ARHGEF18: variants seen among roughly 807,000 people sequenced by gnomAD.
The protein encoded by ARHGEF18 is Rho/Rac guanine nucleotide exchange factor 18.
In ARHGEF18, 93 loss-of-function variants were observed where a neutral mutation model predicts 155.7. The observed-to-expected ratio is 0.60, with a 90% CI of 0.50 to 0.71. The LOEUF is 0.71. Among genes scored for constraint, ARHGEF18 ranks in the 30% least tolerant of loss-of-function variants. The pLI is 0.00. For synonymous variants in ARHGEF18, 742 were observed against 753.1 expected (o/e 0.99, Z 0.24); for missense variants, 1,593 against 1,816.1 (o/e 0.88, Z 2.23).
chr19:7,349,743 A>G (rs578118362), intron 1 of ARHGEF18, among the ~76,000 whole-genome samples: 294 of 152,214 alleles, frequency 1.9e-3, no homozygotes, highest in Admixed American at 5.1e-3. Context: ...TCTCAAAACA[A>G]AGAAAAGAAA....
chr19:7,383,172 C>T lies in ARHGEF18; in HGVS notation c.936C>T (p.Cys312=), dbSNP rs72992636. 5.2e-3 allele frequency: 6,414 copies of T among 1,232,270 alleles called. 28 individuals are homozygous for T. Among genetic ancestry groups the T allele is most frequent in the Non-Finnish European group, 6.0e-3 (5,957 of 988,068 alleles). The allele number at this position is 1,232,270 out of a possible 1,614,324, so 76.3% of individuals were successfully genotyped here. The change falls in exon 10 of 29, where the codon TGC becomes TGT. Residue 312 remains cysteine (C), a synonymous_variant. Coordinates refer to ENST00000668164, the MANE Select transcript of ARHGEF18 (RefSeq NM_001367823.1). The stretch of plus-strand genomic sequence containing the variant: ...GGACCTTCTCCGGCCCCTCCAGCTG[C>T]CCCCTGTGTGGCAAACCTTTCTTGA... ...LQGTFSGPSS[C]PLCGKPFLSS... is the part of the protein sequence containing the mutation.
chr19:7,373,483 G>GTTT (rs372663795), intron 3 of ARHGEF18, among the ~76,000 whole-genome samples: 9,156 of 140,406 alleles, frequency 0.065, 433 homozygotes, highest in African/African-American at 0.13. Context: ...TTTTGTTTTT[G>GTTT]TTTTTTTTTT....
At chr19:7,360,735 C>A (rs1969512500) in intron 1 of ARHGEF18, among the ~76,000 whole-genome samples, 1 of 152,216 alleles carries the variant, frequency 6.6e-6, no homozygotes, top group African/African-American at 2.4e-5. Flanking sequence ...CTCCCAAGCT[C>A]CCACCAACCT....
At chr19:7,403,662 T>C (rs1972141493) in intron 10 of ARHGEF18, among the ~76,000 whole-genome samples, 1 of 151,676 alleles carries the variant, frequency 6.6e-6, no homozygotes. Context: ...TTTGTCCTCC[T>C]AAGTAGCTGG....
intron 10 of ARHGEF18, among the ~76,000 whole-genome samples, chr19:7,389,693 C>G (rs1173663349): frequency 6.6e-6 from 1 of 151,890 alleles, no homozygotes; most frequent in African/African-American, 2.4e-5. Flanking sequence ...GCCACCATGC[C>G]TGGCTAATTT....
At chr19:7,451,287 C>A (rs768770134) in intron 16 of ARHGEF18, 21 bp downstream of exon 16, 2 of 1,605,626 alleles carry the variant, frequency 1.2e-6, no homozygotes, top group Non-Finnish European at 1.7e-6. Context: ...TCCCCACTGC[C>A]CCGCCCGCCC....
rs1600535961 is a variant in ARHGEF18 at position 7,463,709 on chromosome 19, A to T, written c.2636-109A>T. The T allele has an allele frequency of 3.7e-6, 5 of 1,335,598 alleles. No homozygotes were observed. Among genetic ancestry groups the T allele is most frequent in the African/African-American group, 1.5e-5 (1 of 67,458 alleles). The allele number at this position is 1,335,598 out of a possible 1,614,324, so 82.7% of individuals were successfully genotyped here. The stretch of plus-strand genomic sequence containing the variant: ...ACACAGAAGGGGGCAGGCGATCACC[A>T]CCCCAGTGAGTCCCTCCGTCCACCC... On this transcript the variant is annotated intron_variant, in intron 21 of 28. Transcript: ENST00000668164. The surrounding 1 kb of genome is among the most constrained non-coding windows in gnomAD (Gnocchi z 5.2).
chr19:7,417,590 G>A (rs1054297365), intron 10 of ARHGEF18, among the ~76,000 whole-genome samples: 8 of 152,118 alleles, frequency 5.3e-5, no homozygotes, highest in African/African-American at 1.4e-4. Context: ...CCAGCTACTC[G>A]GGAGACTGAG....
At position 7,462,084 on chromosome 19, in the gene ARHGEF18, C is replaced by A; in HGVS notation, c.2453-68C>A. On this transcript the variant is annotated intron_variant, in intron 20 of 28. Coordinates refer to ENST00000668164, the MANE Select transcript of ARHGEF18 (RefSeq NM_001367823.1). The surrounding 1 kb of genome is among the most constrained non-coding windows in gnomAD (Gnocchi z 4.4). ...CGGGGTTCCTCATCCTTAGGCCAGT[C>A]CCCGGGGCTCAGATGATTCCAGGGA... 1.3e-6 allele frequency: 2 copies of A among 1,599,988 alleles called. No homozygotes were observed. Among genetic ancestry groups the A allele is most frequent in the South Asian group, 2.2e-5 (2 of 90,150 alleles).
chr19:7,433,423 A>G (rs966840294), intron 10 of ARHGEF18, among the ~76,000 whole-genome samples: 7 of 144,594 alleles, frequency 4.8e-5, no homozygotes, highest in African/African-American at 1.8e-4. Context: ...CCAAGATTGC[A>G]CCACTGCAGG....
At chr19:7,423,918 C>A (rs1307883938) in intron 10 of ARHGEF18, among the ~76,000 whole-genome samples, 1 of 151,908 alleles carries the variant, frequency 6.6e-6, no homozygotes, top group Non-Finnish European at 1.5e-5. Flanking sequence ...AGAAGTGAAC[C>A]CAGAAGTGGA....
At position 7,456,316 on chromosome 19, in the gene ARHGEF18, T is replaced by C; in HGVS notation, c.2105-11T>C. ...ACTTTTAAGATGCATCCTTCCATGC[T>C]GTTTTCCCAGATATCCTGGCTATCC... On this transcript the variant is annotated splice_polypyrimidine_tract_variant and intron_variant, in intron 17 of 28. Coordinates refer to ENST00000668164, the MANE Select transcript of ARHGEF18 (RefSeq NM_001367823.1). The C allele has an allele frequency of 6.2e-7, 1 of 1,614,012 alleles. No individual in the cohort carries two copies. Among genetic ancestry groups the C allele is most frequent in the Non-Finnish European group, 8.5e-7 (1 of 1,179,850 alleles).
intron 13 of ARHGEF18, among the ~76,000 whole-genome samples, chr19:7,442,936 G>C (rs1974758309): frequency 6.6e-6 from 1 of 152,014 alleles, no homozygotes; most frequent in African/African-American, 2.4e-5. Flanking sequence ...TGTCACCCAG[G>C]CTGGATGCAG....
intron 10 of ARHGEF18, among the ~76,000 whole-genome samples, chr19:7,423,653 C>T (rs1008082552): frequency 1.3e-5 from 2 of 150,194 alleles, no homozygotes; most frequent in South Asian, 2.1e-4. Context: ...TGCAATGAGC[C>T]GAGATCGCGC....
the ARHGEF18 span, among the ~76,000 whole-genome samples, chr19:7,478,744 G>A: frequency 2.0e-5 from 3 of 152,246 alleles, no homozygotes; most frequent in African/African-American, 7.2e-5. Flanking sequence ...TTGGACAGGC[G>A]TGGGGACGCC....
chr19:7,466,490 G>A (rs1976615997), intron 23 of ARHGEF18, among the ~76,000 whole-genome samples: 1 of 143,968 alleles, frequency 6.9e-6, no homozygotes, highest in Non-Finnish European at 1.5e-5. Flanking sequence ...ACACTCTAGA[G>A]CAAGGCCCTG....
At chr19:7,450,065 G>C (rs926581692) in intron 15 of ARHGEF18, among the ~76,000 whole-genome samples, 12 of 151,904 alleles carry the variant, frequency 7.9e-5, no homozygotes, top group Non-Finnish European at 1.2e-4. Flanking sequence ...GAAAGGTCCT[G>C]GTGAGCTGAG....
chr19:7,361,644 T>C (rs1969553917), intron 1 of ARHGEF18, among the ~76,000 whole-genome samples: 1 of 152,132 alleles, frequency 6.6e-6, no homozygotes. Context: ...AACAGATCAA[T>C]GGATACACGA....
chr19:7,399,265 G>A (rs1049256111), intron 10 of ARHGEF18, among the ~76,000 whole-genome samples: 2 of 152,124 alleles, frequency 1.3e-5, no homozygotes, highest in African/African-American at 4.8e-5. Flanking sequence ...GACTGGGTGA[G>A]GGAGGGAAAC....
Sources: allele counts gnomAD v4.1 joint callset (sites outside exome capture counted in the v4.1 genomes callset), GRCh38; gene constraint gnomAD v4.1.1; non-coding constraint Gnocchi (gnomAD v3.1); transcripts MANE v1.5; gene names NCBI Gene and HGNC (gene_info 2026-07-23, HGNC 2026-07-21).